TJP1: variants seen among roughly 807,000 people sequenced by gnomAD.
The protein encoded by TJP1 is tight junction protein ZO-1.
Under a neutral mutation model 194.2 loss-of-function variants are expected in TJP1, and 43 were observed. That is an observed-to-expected ratio of 0.22 (90% CI 0.17 to 0.29). The LOEUF is 0.29. Ranked by LOEUF, TJP1 falls within the 10% of genes least tolerant of loss-of-function variation. The pLI is 1.00. For synonymous variants in TJP1, 801 were observed against 779.0 expected, an observed-to-expected ratio of 1.03 and a Z score of -0.47; for missense variants, 1,971 against 2,185.7, an observed-to-expected ratio of 0.90 and a Z score of 1.96.
intron 2 of TJP1, among the ~76,000 whole-genome samples, chr15:29,846,015 T>C (rs151153853): frequency 2.6e-3 from 401 of 151,974 alleles, no homozygotes; most frequent in Non-Finnish European, 4.3e-3. Context: ...TTCTCCATCA[T>C]CCCAAACTGC....
chr15:29,810,964 C>T (rs930427767), intron 1 of TJP1, among the ~76,000 whole-genome samples: 1 of 152,116 alleles, frequency 6.6e-6, no homozygotes, highest in Non-Finnish European at 1.5e-5. Flanking sequence ...TACAGTCTAG[C>T]AGGAGAACCA....
chr15:29,848,139 T>C (rs1382820051), intron 2 of TJP1, among the ~76,000 whole-genome samples: 1 of 152,048 alleles, frequency 6.6e-6, no homozygotes, highest in Non-Finnish European at 1.5e-5. Context: ...TCAAATATGG[T>C]CTTTCTTGGT....
intron 2 of TJP1, among the ~76,000 whole-genome samples, chr15:29,952,144 CA>C (rs1230176614): frequency 6.6e-6 from 1 of 152,130 alleles, no homozygotes; most frequent in African/African-American, 2.4e-5. Flanking sequence ...CTATCACCCC[CA>C]GGGGGAAAAA....
At chr15:29,939,434 A>G (rs1207983935) in intron 2 of TJP1, among the ~76,000 whole-genome samples, 3 of 151,948 alleles carry the variant, frequency 2.0e-5, no homozygotes, top group African/African-American at 4.8e-5. Flanking sequence ...GAATGCTTCA[A>G]TTCCCTCTGG....
downstream of TJP1, chr15:29,699,968 C>A (rs1026574853): frequency 7.7e-6 from 2 of 259,938 alleles, no homozygotes; most frequent in African/African-American, 4.4e-5. Context: ...CAGTCTGAGC[C>A]CTTCAGATGA....
intron 1 of TJP1, among the ~76,000 whole-genome samples, chr15:29,967,381 C>A (rs72721189): frequency 0.28 from 41,426 of 150,448 alleles, 5,804 homozygotes; most frequent in East Asian, 0.4. Flanking sequence ...AAAAAAAAAA[C>A]CAAACTGGTG....
chr15:29,955,232 T>G (rs1288662979), intron 2 of TJP1, among the ~76,000 whole-genome samples: 1 of 152,156 alleles, frequency 6.6e-6, no homozygotes, highest in African/African-American at 2.4e-5. Context: ...TCATTCAAAA[T>G]TTTTCAAAAC....
At chr15:29,776,977 A>T (rs1372321889) in intron 2 of TJP1, among the ~76,000 whole-genome samples, 1 of 152,174 alleles carries the variant, frequency 6.6e-6, no homozygotes, top group Non-Finnish European at 1.5e-5. Context: ...GGATAACCAT[A>T]CATTCCTTCA....
chr15:29,919,616 G>A (rs149947230), intron 2 of TJP1, among the ~76,000 whole-genome samples: 4 of 152,322 alleles, frequency 2.6e-5, no homozygotes, highest in East Asian at 1.9e-4. Context: ...AAAGACCAGA[G>A]GTGACCTTGG....
intron 2 of TJP1, among the ~76,000 whole-genome samples, chr15:29,859,815 G>C (rs2052004885): frequency 6.6e-6 from 1 of 152,146 alleles, no homozygotes; most frequent in East Asian, 1.9e-4. Flanking sequence ...AGTATCCCTT[G>C]ACTGGAAGGC....
intron 5 of TJP1, among the ~76,000 whole-genome samples, chr15:29,763,084 G>A (rs2046110108): frequency 6.6e-6 from 1 of 152,120 alleles, no homozygotes; most frequent in Admixed American, 6.5e-5. Context: ...GTACTAGCAT[G>A]TACTAAGCAT....
At chr15:29,963,189 G>A (rs1039342422) in intron 1 of TJP1, among the ~76,000 whole-genome samples, 26 of 144,462 alleles carry the variant, frequency 1.8e-4, no homozygotes, top group Non-Finnish European at 2.5e-4. Flanking sequence ...AGCCCTTCAC[G>A]TCCCAACAGG....
chr15:29,949,343 A>T (rs1322192836), intron 2 of TJP1, among the ~76,000 whole-genome samples: 1 of 127,956 alleles, frequency 7.8e-6, no homozygotes, highest in African/African-American at 2.8e-5. Flanking sequence ...CACCACCTCC[A>T]CCACCACCAC....
intron 10 of TJP1, among the ~76,000 whole-genome samples, chr15:29,739,654 C>T (rs1180774994): frequency 6.6e-6 from 1 of 151,998 alleles, no homozygotes; most frequent in African/African-American, 2.4e-5. Flanking sequence ...CCGTGTTCAG[C>T]CAGGATGGTC....
chr15:29,900,212 G>A (rs1372017606), intron 2 of TJP1, among the ~76,000 whole-genome samples: 3 of 152,150 alleles, frequency 2.0e-5, no homozygotes, highest in South Asian at 2.1e-4. Context: ...TGCTGGGCAC[G>A]TGAACACAGC....
At chr15:29,742,891 G>C (rs1344739828) in intron 8 of TJP1, 110 bp from the exon 9 acceptor site, 2 of 941,204 alleles carry the variant, frequency 2.1e-6, no homozygotes. Flanking sequence ...ATGACAACCT[G>C]CTCTAACAGA....
chr15:29,845,902 C>A (rs2051389183), intron 2 of TJP1, among the ~76,000 whole-genome samples: 1 of 152,142 alleles, frequency 6.6e-6, no homozygotes, highest in Non-Finnish European at 1.5e-5. Context: ...TCACCAGTGG[C>A]CAGGGGGAGG....
intron 2 of TJP1, among the ~76,000 whole-genome samples, chr15:29,894,540 A>G (rs2053416937): frequency 6.6e-6 from 1 of 152,220 alleles, no homozygotes; most frequent in Non-Finnish European, 1.5e-5. Context: ...GTGCGGCTAT[A>G]ACAAAATCCC....
chr15:29,744,858 G>C (rs1372258226), intron 8 of TJP1, among the ~76,000 whole-genome samples: 2 of 152,066 alleles, frequency 1.3e-5, no homozygotes, highest in African/African-American at 2.4e-5. Context: ...AGAGTACAAA[G>C]AGAGAAAATA....
Sources: gnomAD v4.1 joint callset for allele counts (sites outside exome capture counted in the v4.1 genomes callset) on GRCh38, gnomAD v4.1.1 for gene constraint, MANE v1.5 for transcripts, NCBI Gene and HGNC (gene_info 2026-07-23, HGNC 2026-07-21) for gene names.